The following MAPRE3 variants were observed in gnomAD, a reference collection of about 807,000 sequenced individuals.
The protein encoded by MAPRE3 is microtubule associated protein RP/EB family member 3, also known as microtubule-associated protein RP/EB family member 3.
MAPRE3 carries 2 observed loss-of-function variants against 30.5 expected under a neutral mutation model. The ratio of observed to expected loss-of-function variants is 0.07; its 90% CI spans 0.03 to 0.21. The LOEUF (loss-of-function observed/expected upper bound fraction) is 0.21. MAPRE3 is among the 10% of genes least tolerant of loss of function. The pLI, the probability that MAPRE3 is intolerant of heterozygous loss-of-function variation, is 1.00. For missense variants in MAPRE3, 204 were observed against 351.8 expected (o/e 0.58, Z 3.36); for synonymous variants, 110 against 127.7 (o/e 0.86, Z 0.93).
Position 26,972,017 on chromosome 2 carries a change from T to G in MAPRE3, c.-8+1215T>G, listed in dbSNP as rs190266961. 4.9e-3 allele frequency among the ~76,000 whole-genome samples: 747 copies of G among 152,304 alleles called. 5 individuals are homozygous for G. The highest frequency in any genetic ancestry group is 0.01 in the Middle Eastern group (3 of 294). On this transcript the variant is annotated intron_variant, in intron 1 of 6. Transcript: ENST00000233121. ...AAGAGGGTCCCAAACAGTTTTCTTT[T>G]TCCAGAAGAACTGAGTTGAAGTCAG...
At chr2:26,990,594 A>AT (rs1666316904) in intron 1 of MAPRE3, among the ~76,000 whole-genome samples, 1 of 152,228 alleles carries the variant, frequency 6.6e-6, no homozygotes, top group African/African-American at 2.4e-5. Context: ...TTTTTCTTAA[A>AT]TGACTGTACA....
chr2:27,025,813 G>C, intron 5 of MAPRE3, 67 bp from the exon 6 acceptor site: 1 of 1,613,648 alleles, frequency 6.2e-7, no homozygotes, highest in Non-Finnish European at 8.5e-7. Flanking sequence ...GCAGGGACGA[G>C]AGGAGGGCAG....
chr2:27,020,123 G>A (rs958086514), intron 1 of MAPRE3, among the ~76,000 whole-genome samples: 1 of 152,176 alleles, frequency 6.6e-6, no homozygotes, highest in Non-Finnish European at 1.5e-5. Context: ...AATGAACTTT[G>A]GGGTGGGGAC....
intron 1 of MAPRE3, among the ~76,000 whole-genome samples, chr2:26,990,020 A>T (rs188871234): frequency 6.6e-6 from 1 of 152,246 alleles, no homozygotes; most frequent in African/African-American, 2.4e-5. Context: ...CTCTACAAAA[A>T]ATCTTAAAAT....
chr2:26,982,225 G>T (rs574744920), intron 1 of MAPRE3, among the ~76,000 whole-genome samples: 5 of 152,280 alleles, frequency 3.3e-5, no homozygotes, highest in African/African-American at 1.2e-4. Flanking sequence ...AACACCCTGG[G>T]TTGTGGTCTT....
rs535454030 is a variant in MAPRE3 at position 26,991,143 on chromosome 2, G to A, written c.-8+20341G>A. On this transcript the variant is annotated intron_variant, in intron 1 of 6. Coordinates refer to ENST00000233121, the MANE Select transcript of MAPRE3 (RefSeq NM_012326.4). ...GTGGTGGGCGCCTGTAGTCCCAGCT[G>A]CTCTGGAGGCTGAGGCAGGAGAATG... Among the ~76,000 whole-genome samples the A allele has an allele frequency of 2.6e-5, 4 of 152,264 alleles. No individual in the cohort carries two copies. The East Asian group carries it at 5.8e-4, about 22-fold the overall frequency.
intron 1 of MAPRE3, among the ~76,000 whole-genome samples, chr2:26,996,326 T>C (rs1666459047): frequency 6.6e-6 from 1 of 151,774 alleles, no homozygotes; most frequent in South Asian, 2.1e-4. Context: ...CACTAATCTT[T>C]TTTATTTTTA....
chr2:26,971,655 A>G (rs1365069733), intron 1 of MAPRE3, among the ~76,000 whole-genome samples: 1 of 151,660 alleles, frequency 6.6e-6, no homozygotes, highest in Non-Finnish European at 1.5e-5. Flanking sequence ...CAACCCTGGT[A>G]TAATGTGAGG....
chr2:26,984,833 T>G (rs1180012985), intron 1 of MAPRE3: 1 of 152,262 alleles, frequency 6.6e-6, no homozygotes, highest in African/African-American at 2.4e-5. Context: ...GTAAATTACA[T>G]GCAGAACGCA....
chr2:26,975,497 T>C (rs773915532), intron 1 of MAPRE3, among the ~76,000 whole-genome samples: 1 of 152,118 alleles, frequency 6.6e-6, no homozygotes, highest in Non-Finnish European at 1.5e-5. Flanking sequence ...AGAGCAAAAG[T>C]GAATTTAAAT....
chr2:27,004,299 G>A (rs1666673844), intron 1 of MAPRE3, among the ~76,000 whole-genome samples: 1 of 152,100 alleles, frequency 6.6e-6, no homozygotes, highest in South Asian at 2.1e-4. Flanking sequence ...ACACCACAGG[G>A]CTACTATTTA....
chr2:27,023,969 A>C, intron 3 of MAPRE3, 127 bp from the exon 4 acceptor site: 2 of 680,534 alleles, frequency 2.9e-6, no homozygotes, highest in East Asian at 5.3e-5. Flanking sequence ...GGAGGGGGGC[A>C]AGTGGAGAAG....
At chr2:26,995,806 T>TGTGTGTG (rs1212809190) in intron 1 of MAPRE3, among the ~76,000 whole-genome samples, 1 of 149,488 alleles carries the variant, frequency 6.7e-6, no homozygotes, top group Non-Finnish European at 1.5e-5. Context: ...TGTGTGTGTG[T>TGTGTGTG]GTGTGTGTGT....
At chr2:26,999,488 C>CTTTTTTTTTTTTTTTTTTTTTTTTTTTT (rs531651199) in intron 1 of MAPRE3, among the ~76,000 whole-genome samples, 2 of 79,006 alleles carry the variant, frequency 2.5e-5, no homozygotes, top group African/African-American at 5.3e-5. Context: ...TTCCTTCTTT[C>CTTTTTTTTTTTTTTTTTTTTTTTTTTTT]TTTTTTTTTT....
chr2:26,990,226 C>T (rs1471420020), intron 1 of MAPRE3, among the ~76,000 whole-genome samples: 2 of 152,172 alleles, frequency 1.3e-5, no homozygotes, highest in Non-Finnish European at 2.9e-5. Context: ...GTTTGAAGAA[C>T]AGTGTAGCTC....
intron 2 of MAPRE3, chr2:27,022,651 C>T (rs1235772899): frequency 4.2e-5 from 12 of 287,842 alleles, no homozygotes; most frequent in Non-Finnish European, 6.6e-6. Flanking sequence ...AGTATTTGCA[C>T]ATCTAAACAT....
intron 1 of MAPRE3, among the ~76,000 whole-genome samples, chr2:26,987,013 T>G (rs1666237848): frequency 6.6e-6 from 1 of 151,944 alleles, no homozygotes; most frequent in African/African-American, 2.4e-5. Flanking sequence ...ACCCTTGAAG[T>G]CAGACGGAAT....
At chr2:27,014,678 T>TG (rs1396205236) in intron 1 of MAPRE3, 1 of 152,420 alleles carries the variant, frequency 6.6e-6, no homozygotes, top group African/African-American at 2.4e-5. Context: ...AGAAGGTGAT[T>TG]GGCCAGGTCT....
chr2:27,023,176 G>A (rs1430818704), intron 2 of MAPRE3, among the ~76,000 whole-genome samples, 156 bp from the exon 3 acceptor site: 1 of 152,192 alleles, frequency 6.6e-6, no homozygotes, highest in African/African-American at 2.4e-5. Flanking sequence ...TTCTTGGAAA[G>A]CTGGGGGGAT....
Sources: gnomAD v4.1 joint callset for allele counts (sites outside exome capture counted in the v4.1 genomes callset) on GRCh38, gnomAD v4.1.1 for gene constraint, MANE v1.5 for transcripts, NCBI Gene and HGNC (gene_info 2026-07-23, HGNC 2026-07-21) for gene names.